SSBP2: variants seen among roughly 807,000 people sequenced by gnomAD.
SSBP2 encodes single-stranded DNA-binding protein 2.
SSBP2 carries 17 observed loss-of-function variants against 61.8 expected under a neutral mutation model. The ratio of observed to expected loss-of-function variants is 0.28; its 90% CI spans 0.19 to 0.41. The LOEUF is 0.41. Ranked by LOEUF, SSBP2 falls within the 10% of genes least tolerant of loss-of-function variation. The pLI, the probability that SSBP2 is intolerant of heterozygous loss-of-function variation, is 1.00. For missense variants in SSBP2, 310 were observed against 458.7 expected (o/e 0.68, Z 2.96); for synonymous variants, 139 against 141.3 (o/e 0.98, Z 0.12).
intron 12 of SSBP2, 88 bp downstream of exon 12, chr5:81,446,780 C>G (rs1164033482): frequency 7.7e-7 from 1 of 1,302,040 alleles, no homozygotes; most frequent in African/African-American, 1.5e-5. Context: ...AACATGAATA[C>G]TACTAACTTT....
At chr5:81,604,967 T>C (rs938280013) in intron 4 of SSBP2, among the ~76,000 whole-genome samples, 5 of 152,126 alleles carry the variant, frequency 3.3e-5, no homozygotes, top group Non-Finnish European at 7.4e-5. Flanking sequence ...GTTGAGAAAT[T>C]TGTTAATTGA....
At chr5:81,626,235 T>C (rs553653197) in intron 3 of SSBP2, among the ~76,000 whole-genome samples, 3 of 152,366 alleles carry the variant, frequency 2.0e-5, no homozygotes, top group African/African-American at 7.2e-5. Context: ...ATTCTCACAA[T>C]ACTCCTGGAT....
chr5:81,474,798 T>G (rs539763880), intron 6 of SSBP2, among the ~76,000 whole-genome samples: 1 of 152,252 alleles, frequency 6.6e-6, no homozygotes, highest in African/African-American at 2.4e-5. Flanking sequence ...AAAATAAGTA[T>G]TTTCAGGGAG....
At chr5:81,464,298 A>G (rs1764747144) in intron 9 of SSBP2, among the ~76,000 whole-genome samples, 1 of 152,188 alleles carries the variant, frequency 6.6e-6, no homozygotes, top group African/African-American at 2.4e-5. Context: ...TTAGAAATAC[A>G]TGATTATTCA....
At chr5:81,571,685 C>T (rs1346208027) in intron 4 of SSBP2, among the ~76,000 whole-genome samples, 2 of 152,030 alleles carry the variant, frequency 1.3e-5, no homozygotes, top group East Asian at 1.9e-4. Context: ...ATGAAAGATT[C>T]GCTTACCTTT....
At chr5:81,504,978 T>C (rs1768068069) in intron 5 of SSBP2, among the ~76,000 whole-genome samples, 1 of 152,224 alleles carries the variant, frequency 6.6e-6, no homozygotes, top group African/African-American at 2.4e-5. Context: ...AGAATTCTAG[T>C]CCCCTAAGAG....
intron 2 of SSBP2, among the ~76,000 whole-genome samples, chr5:81,637,534 T>C (rs1748351056): frequency 6.6e-6 from 1 of 152,228 alleles, no homozygotes; most frequent in Non-Finnish European, 1.5e-5. Context: ...ATATCTTCAT[T>C]TTAAGCAGAA....
At chr5:81,445,170 ATATATATG>A (rs1407013516) in intron 12 of SSBP2, among the ~76,000 whole-genome samples, 2,062 of 96,256 alleles carry the variant, frequency 0.021, 266 homozygotes, top group African/African-American at 0.034. Context: ...ATATATATAT[ATATATATG>A]TATGTATTTA....
chr5:81,542,366 G>T (rs1046551870), intron 4 of SSBP2, among the ~76,000 whole-genome samples: 1 of 152,024 alleles, frequency 6.6e-6, no homozygotes, highest in African/African-American at 2.4e-5. Flanking sequence ...ATTTCTCAAA[G>T]AACTCAAAAC....
chr5:81,552,900 A>G (rs1202989180), intron 4 of SSBP2, among the ~76,000 whole-genome samples: 3 of 152,180 alleles, frequency 2.0e-5, no homozygotes, highest in Admixed American at 6.5e-5. Context: ...ATAATATTAC[A>G]CAGCATGTAA....
At chr5:81,609,450 C>T (rs1382359064) in intron 4 of SSBP2, among the ~76,000 whole-genome samples, 1 of 152,202 alleles carries the variant, frequency 6.6e-6, no homozygotes, top group African/African-American at 2.4e-5. Context: ...TAGCAGTTAA[C>T]TCTTGATGTA....
intron 12 of SSBP2, 134 bp from the exon 13 acceptor site, chr5:81,442,857 C>G: frequency 2.3e-6 from 1 of 436,740 alleles, no homozygotes; most frequent in East Asian, 3.7e-5. Context: ...ATTGTCATTA[C>G]TAAAAATAAA....
intron 4 of SSBP2, among the ~76,000 whole-genome samples, chr5:81,541,875 C>CT (rs1180926276): frequency 6.6e-6 from 1 of 152,188 alleles, no homozygotes; most frequent in Non-Finnish European, 1.5e-5. Flanking sequence ...AGAATTACGA[C>CT]TAAGTCCTCA....
At chr5:81,520,006 A>G (rs1334148903) in intron 4 of SSBP2, among the ~76,000 whole-genome samples, 2 of 143,560 alleles carry the variant, frequency 1.4e-5, no homozygotes, top group Non-Finnish European at 3.0e-5. Flanking sequence ...TTTTTTTGAG[A>G]TGGAGTCTCA....
At chr5:81,581,826 TG>T (rs1460813569) in intron 4 of SSBP2, among the ~76,000 whole-genome samples, 6 of 152,272 alleles carry the variant, frequency 3.9e-5, no homozygotes, top group African/African-American at 1.4e-4. Flanking sequence ...GTCACATAAT[TG>T]CTTCAAAAAG....
intron 15 of SSBP2, among the ~76,000 whole-genome samples, chr5:81,432,901 G>C (rs1293654130): frequency 3.3e-5 from 5 of 149,932 alleles, no homozygotes; most frequent in African/African-American, 1.2e-4. Context: ...GAGCCCCTCT[G>C]CCCGGCCAGC....
chr5:81,705,693 T>C (rs1754326812), intron 1 of SSBP2, among the ~76,000 whole-genome samples: 1 of 152,222 alleles, frequency 6.6e-6, no homozygotes, highest in Non-Finnish European at 1.5e-5. Context: ...TCCTGACTTT[T>C]TATATTGCAA....
chr5:81,672,935 A>C lies in SSBP2; in HGVS notation c.63-22596T>G, dbSNP rs532900311. On this transcript the variant is annotated intron_variant, in intron 1 of 16. Transcript: ENST00000320672. The stretch of plus-strand genomic sequence containing the variant: ...TCAGGCAACCTCTGCCTCCCAGGAT[A>C]AAGCGATTCTCACGCCTCAGCCTCC... Among the ~76,000 whole-genome samples, 14 of 151,656 alleles carry C rather than the reference A, an allele frequency of 9.2e-5. No homozygotes were observed. In the South Asian group the frequency reaches 2.9e-3, roughly 32 times the overall value.
intron 4 of SSBP2, among the ~76,000 whole-genome samples, chr5:81,565,273 G>C (rs1163033631): frequency 6.6e-6 from 1 of 151,962 alleles, no homozygotes; most frequent in Non-Finnish European, 1.5e-5. Flanking sequence ...TTAACCAAAA[G>C]CAAATGCCTA....
Sources: allele counts gnomAD v4.1 joint callset (sites outside exome capture counted in the v4.1 genomes callset), GRCh38; gene constraint gnomAD v4.1.1; transcripts MANE v1.5; gene names NCBI Gene and HGNC (gene_info 2026-07-23, HGNC 2026-07-21).